Variants in CCDC178 observed in about 807,000 individuals in gnomAD.
The protein encoded by CCDC178 is coiled-coil domain-containing protein 178.
CCDC178 carries 126 observed loss-of-function variants against 117.4 expected under a neutral mutation model. That is an observed-to-expected ratio of 1.07 (90% CI 0.93 to 1.24). The LOEUF (loss-of-function observed/expected upper bound fraction) is 1.24, where lower values mean the gene tolerates loss of function less well. CCDC178 is among the 50% of genes most tolerant of loss of function. CCDC178 has a pLI of 0.00. For synonymous variants in CCDC178, 283 were observed against 313.4 expected, an observed-to-expected ratio of 0.90 and a Z score of 1.02; for missense variants, 1,030 against 986.9, an observed-to-expected ratio of 1.04 and a Z score of -0.59.
intron 3 of CCDC178, among the ~76,000 whole-genome samples, chr18:33,407,271 C>A (rs2063794512): frequency 6.6e-6 from 1 of 152,158 alleles, no homozygotes; most frequent in Non-Finnish European, 1.5e-5. Context: ...CTCTCCAATC[C>A]TTTTTATTAT....
chr18:32,946,326 G>A (rs2054346481), intron 22 of CCDC178, among the ~76,000 whole-genome samples: 1 of 152,180 alleles, frequency 6.6e-6, no homozygotes, highest in Non-Finnish European at 1.5e-5. Context: ...TGTTATGTCA[G>A]TATGGCTTAT....
intron 20 of CCDC178, among the ~76,000 whole-genome samples, chr18:33,195,384 A>T (rs952595933): frequency 6.6e-6 from 1 of 152,104 alleles, no homozygotes; most frequent in African/African-American, 2.4e-5. Flanking sequence ...AGAAAGGACC[A>T]GTAGTGATAC....
chr18:33,091,752 A>T (rs2057470499), intron 21 of CCDC178, among the ~76,000 whole-genome samples: 1 of 152,192 alleles, frequency 6.6e-6, no homozygotes, highest in African/African-American at 2.4e-5. Context: ...TGCCAGATGA[A>T]TGTAATAATT....
chr18:33,259,482 C>G (rs142573684), intron 14 of CCDC178, among the ~76,000 whole-genome samples: 14 of 152,244 alleles, frequency 9.2e-5, no homozygotes, highest in Admixed American at 3.9e-4. Flanking sequence ...TGGAAACTTA[C>G]AATCATAGCG....
intron 21 of CCDC178, among the ~76,000 whole-genome samples, chr18:33,055,694 C>T (rs1019176309): frequency 6.6e-6 from 1 of 152,130 alleles, no homozygotes; most frequent in Non-Finnish European, 1.5e-5. Flanking sequence ...TACAATGAAG[C>T]TATAAGTTCA....
In CCDC178 at chr18:33,084,711, C is replaced by T. The variant is rs145564291; in HGVS notation, c.2388+8050G>A. Among the ~76,000 whole-genome samples, 1,191 of 151,612 alleles carry T rather than the reference C, an allele frequency of 7.9e-3. 10 individuals carry two copies. Among genetic ancestry groups the T allele is most frequent in the African/African-American group, 0.017 (711 of 41,214 alleles). On this transcript the variant is annotated intron_variant, in intron 21 of 22. Transcript: ENST00000383096. The stretch of plus-strand genomic sequence containing the variant: ...CCTGTAATCCCAGCTACTCAGGAGG[C>T]TGAGGCAGGAGAATTGCTTGAACCC...
rs769941375 is a variant in CCDC178 at position 33,266,969 on chromosome 18, G to A, written c.1356C>T (p.Asp452=). The A allele has an allele frequency of 6.9e-6, 11 of 1,596,820 alleles. No individual in the cohort carries two copies. The South Asian group carries it at 1.3e-4, about 18-fold the overall frequency. The change falls in exon 14 of 23, where the codon GAC becomes GAT. Residue 452 remains aspartate (D), a synonymous_variant. Transcript: ENST00000383096. ...TAATATCAATCTCAAGTTTTTTATT[G>A]TCTTCCGTCAGTTTTGTACATGCCA... ...ISLACTKLTE[D]NKKLEIDINK...
chr18:33,418,457 T>C (rs2063976729), intron 2 of CCDC178, among the ~76,000 whole-genome samples: 1 of 152,124 alleles, frequency 6.6e-6, no homozygotes, highest in South Asian at 2.1e-4. Context: ...CTGTCACCAC[T>C]TCTATTCAAC....
At position 33,165,534 on chromosome 18, in the gene CCDC178, T is replaced by G. The variant is rs185562680; in HGVS notation, c.2238+46362A>C. Among the ~76,000 whole-genome samples, 29 of 152,312 alleles carry G rather than the reference T, an allele frequency of 1.9e-4. No individual in the cohort carries two copies. In the East Asian group the frequency reaches 5.2e-3, roughly 27 times the overall value. ...CCTTGGACACTGAAGGATGACTGAA[T>G]AAGTTCTACAAAATTCTAATTTTCA... On this transcript the variant is annotated intron_variant, in intron 20 of 22. Transcript: ENST00000383096.
chr18:32,945,998 G>T (rs372921834), intron 22 of CCDC178, among the ~76,000 whole-genome samples: 7 of 152,034 alleles, frequency 4.6e-5, no homozygotes, highest in Middle Eastern at 3.4e-3. Flanking sequence ...ATTGTCTCTT[G>T]ACCATAAAGT....
intron 21 of CCDC178, among the ~76,000 whole-genome samples, chr18:33,006,485 T>C (rs1326677005): frequency 6.6e-6 from 1 of 152,150 alleles, no homozygotes; most frequent in Non-Finnish European, 1.5e-5. Flanking sequence ...ATTTAGCAAG[T>C]GCTTTTTATA....
chr18:33,124,074 C>T (rs749450828), intron 20 of CCDC178, among the ~76,000 whole-genome samples: 12 of 152,142 alleles, frequency 7.9e-5, no homozygotes, highest in Non-Finnish European at 1.8e-4. Flanking sequence ...TTTAATTACT[C>T]TGTGCAGTAC....
chr18:33,144,460 T>C (rs2058246576), intron 20 of CCDC178, among the ~76,000 whole-genome samples: 1 of 152,010 alleles, frequency 6.6e-6, no homozygotes, highest in African/African-American at 2.4e-5. Context: ...ATAAAACAAG[T>C]GTTAAAGATA....
intron 21 of CCDC178, among the ~76,000 whole-genome samples, chr18:33,068,239 A>G (rs2057051259): frequency 6.6e-6 from 1 of 152,136 alleles, no homozygotes; most frequent in African/African-American, 2.4e-5. Context: ...TATCAAACTT[A>G]CTTATAAAGA....
chr18:33,347,815 T>C (rs951509672), intron 8 of CCDC178, among the ~76,000 whole-genome samples: 4 of 152,062 alleles, frequency 2.6e-5, no homozygotes, highest in African/African-American at 7.2e-5. Context: ...AAATGCCGTA[T>C]AGGTAACTTG....
At position 33,392,885 on chromosome 18, in the gene CCDC178, G is replaced by C. The variant is rs528119355; in HGVS notation, c.119-3256C>G. On this transcript the variant is annotated intron_variant, in intron 4 of 22. Transcript: ENST00000383096. ...ATAAATAAAACTGCAAATATTAAGT[G>C]CAAATAAAACAAAAATCAACAAAAT... Among the ~76,000 whole-genome samples, 45 of 152,140 alleles carry C rather than the reference G, an allele frequency of 3.0e-4. 1 individual carries two copies. Among genetic ancestry groups the C allele is most frequent in the South Asian group, 1.5e-3 (7 of 4,812 alleles).
chr18:33,185,455 C>T (rs2144496292), intron 20 of CCDC178, among the ~76,000 whole-genome samples: 1 of 152,108 alleles, frequency 6.6e-6, no homozygotes, highest in African/African-American at 2.4e-5. Flanking sequence ...CACACTAAAT[C>T]ATTATACTCC....
At chr18:33,288,958 C>A (rs1340935737) in intron 12 of CCDC178, among the ~76,000 whole-genome samples, 1 of 152,104 alleles carries the variant, frequency 6.6e-6, no homozygotes, top group Non-Finnish European at 1.5e-5. Context: ...AGGCTGGAGA[C>A]AGAAACAAGG....
At chr18:33,371,039 C>T (rs1023276698) in intron 5 of CCDC178, among the ~76,000 whole-genome samples, 22 of 152,002 alleles carry the variant, frequency 1.4e-4, no homozygotes, top group African/African-American at 5.1e-4. Flanking sequence ...GTCCTCATTT[C>T]AATTGACCTT....
Sources: allele counts gnomAD v4.1 joint callset (sites outside exome capture counted in the v4.1 genomes callset), GRCh38; gene constraint gnomAD v4.1.1; transcripts MANE v1.5; gene names NCBI Gene and HGNC (gene_info 2026-07-23, HGNC 2026-07-21).